Variants in CDH12 observed in about 807,000 individuals in gnomAD.
CDH12 encodes cadherin-12.
A neutral mutation model predicts 74.1 loss-of-function variants in CDH12; 41 were observed. That is an observed-to-expected ratio of 0.55 (90% CI 0.43 to 0.72). CDH12 has a LOEUF of 0.72. Ranked by LOEUF, CDH12 falls within the 30% of genes least tolerant of loss-of-function variation. The probability of loss-of-function intolerance (pLI) is 0.00; values close to 1 mark genes in which losing one functional copy is unlikely to be tolerated. For missense variants in CDH12, 945 were observed against 977.2 expected (o/e 0.97, Z 0.44); for synonymous variants, 399 against 355.0 (o/e 1.12, Z -1.39).
chr5:22,798,842 G>A (rs1398583906), intron 1 of CDH12, among the ~76,000 whole-genome samples: 1 of 152,074 alleles, frequency 6.6e-6, no homozygotes, highest in South Asian at 2.1e-4. Context: ...CATCAGGTAT[G>A]GTGGCTCATG....
chr5:22,668,321 C>G (rs1740725410), intron 1 of CDH12, among the ~76,000 whole-genome samples: 1 of 152,124 alleles, frequency 6.6e-6, no homozygotes, highest in African/African-American at 2.4e-5. Flanking sequence ...AACAAAAAAG[C>G]ACATGTGCAC....
At chr5:22,425,153 G>GTGTATATATA (rs1554039869) in intron 2 of CDH12, among the ~76,000 whole-genome samples, 1 of 87,988 alleles carries the variant, frequency 1.1e-5, no homozygotes, top group Non-Finnish European at 2.5e-5. Context: ...ATGTGTGTGT[G>GTGTATATATA]TATATATATA....
intron 5 of CDH12, among the ~76,000 whole-genome samples, chr5:22,063,742 C>T (rs545118144): frequency 6.6e-5 from 10 of 151,510 alleles, no homozygotes; most frequent in African/African-American, 1.2e-4. Context: ...TTTAAATTGG[C>T]GGACTTTGAG....
chr5:22,335,452 G>A (rs1739536827), intron 3 of CDH12, among the ~76,000 whole-genome samples: 1 of 152,116 alleles, frequency 6.6e-6, no homozygotes, highest in South Asian at 2.1e-4. Flanking sequence ...AGACGTGGTG[G>A]CAGGCAACTG....
chr5:22,479,462 A>G (rs1175917769), intron 2 of CDH12, among the ~76,000 whole-genome samples: 1 of 152,218 alleles, frequency 6.6e-6, no homozygotes, highest in African/African-American at 2.4e-5. Flanking sequence ...GATGCACTGC[A>G]TAAGAATGTC....
chr5:22,444,989 C>G (rs1198857208), intron 2 of CDH12, among the ~76,000 whole-genome samples: 2 of 151,712 alleles, frequency 1.3e-5, no homozygotes, highest in Non-Finnish European at 2.9e-5. Context: ...AATAAAATAC[C>G]ATTTTTAAGG....
At chr5:22,701,099 T>C (rs1230100170) in intron 1 of CDH12, among the ~76,000 whole-genome samples, 1 of 152,160 alleles carries the variant, frequency 6.6e-6, no homozygotes, top group Non-Finnish European at 1.5e-5. Context: ...GCTTGGATTC[T>C]ATCCGTATGC....
At chr5:21,901,204 C>G (rs778985623) in intron 6 of CDH12, among the ~76,000 whole-genome samples, 73 of 152,000 alleles carry the variant, frequency 4.8e-4, no homozygotes, top group Non-Finnish European at 9.3e-4. Context: ...TTTCTAAGGT[C>G]AACATATAAA....
At chr5:21,998,127 T>C (rs998079622) in intron 5 of CDH12, among the ~76,000 whole-genome samples, 10 of 152,116 alleles carry the variant, frequency 6.6e-5, no homozygotes, top group Non-Finnish European at 2.9e-5. Context: ...ACCTTCATTC[T>C]TACTTTGTCG....
intron 3 of CDH12, among the ~76,000 whole-genome samples, chr5:22,375,815 C>T (rs562050635): frequency 6.7e-6 from 1 of 149,954 alleles, no homozygotes; most frequent in South Asian, 2.1e-4. Context: ...GAAAAAAAAA[C>T]AGATGCTAAC....
chr5:21,896,206 C>T (rs982947400), intron 6 of CDH12, among the ~76,000 whole-genome samples: 9 of 151,974 alleles, frequency 5.9e-5, no homozygotes, highest in African/African-American at 9.7e-5. Flanking sequence ...TGAGAGTCAC[C>T]GATGGAGAGT....
chr5:22,373,338 C>T (rs1415575882), intron 3 of CDH12, among the ~76,000 whole-genome samples: 4 of 152,200 alleles, frequency 2.6e-5, no homozygotes, highest in African/African-American at 9.7e-5. Flanking sequence ...GCATGAACCA[C>T]TTGGGTTCCA....
At chr5:22,277,678 C>T (rs1736694943) in intron 3 of CDH12, among the ~76,000 whole-genome samples, 1 of 151,146 alleles carries the variant, frequency 6.6e-6, no homozygotes, top group African/African-American at 2.4e-5. Context: ...ACCAAAAATA[C>T]AAAAAATCAG....
intron 6 of CDH12, among the ~76,000 whole-genome samples, chr5:21,972,162 C>G (rs1756879747): frequency 6.6e-6 from 1 of 152,040 alleles, no homozygotes; most frequent in African/African-American, 2.4e-5. Context: ...TACTGTTAAA[C>G]TTCATATCAA....
At chr5:21,973,037 C>A (rs1756918344) in intron 6 of CDH12, among the ~76,000 whole-genome samples, 1 of 134,274 alleles carries the variant, frequency 7.4e-6, no homozygotes, top group African/African-American at 3.2e-5. Flanking sequence ...GATCCCTTCT[C>A]TACAAAAAGT....
At chr5:22,628,574 G>C (rs1738417940) in intron 1 of CDH12, among the ~76,000 whole-genome samples, 1 of 152,102 alleles carries the variant, frequency 6.6e-6, no homozygotes, top group Non-Finnish European at 1.5e-5. Context: ...CAACATACCA[G>C]GATCTCTGGG....
chr5:22,099,888 C>G (rs1744036822), intron 4 of CDH12, among the ~76,000 whole-genome samples: 1 of 152,130 alleles, frequency 6.6e-6, no homozygotes, highest in Non-Finnish European at 1.5e-5. Flanking sequence ...AAAACTGTAT[C>G]CAGGCCATCA....
chr5:22,384,248 G>T (rs1181012785), intron 3 of CDH12, among the ~76,000 whole-genome samples: 1 of 151,936 alleles, frequency 6.6e-6, no homozygotes, highest in Non-Finnish European at 1.5e-5. Context: ...ATGTTGGCCG[G>T]GCGCGGTGGC....
At chr5:22,336,059 G>A (rs1008077290) in intron 3 of CDH12, among the ~76,000 whole-genome samples, 21 of 152,212 alleles carry the variant, frequency 1.4e-4, no homozygotes, top group East Asian at 7.8e-4. Flanking sequence ...GAACTTGTTC[G>A]GAACTGGAGC....
Sources: gnomAD v4.1 joint callset for allele counts (sites outside exome capture counted in the v4.1 genomes callset) on GRCh38, gnomAD v4.1.1 for gene constraint, MANE v1.5 for transcripts, NCBI Gene and HGNC (gene_info 2026-07-23, HGNC 2026-07-21) for gene names.